PAQR5: variants seen among roughly 807,000 people sequenced by gnomAD.
PAQR5 encodes the protein progestin and adipoQ receptor family member 5, also known as membrane progestin receptor gamma.
Under a neutral mutation model 34.5 loss-of-function variants are expected in PAQR5, and 20 were observed. That is an observed-to-expected ratio of 0.58 (90% CI 0.41 to 0.84). PAQR5 has a LOEUF of 0.84. Among genes scored for constraint, PAQR5 ranks in the 40% least tolerant of loss-of-function variants. The pLI is 0.00. For synonymous variants in PAQR5, 131 were observed against 155.6 expected, an observed-to-expected ratio of 0.84 and a Z score of 1.18; for missense variants, 378 against 412.7, an observed-to-expected ratio of 0.92 and a Z score of 0.73.
intron 3 of PAQR5, among the ~76,000 whole-genome samples, chr15:69,375,833 T>A (rs2055690898): frequency 6.6e-6 from 1 of 152,224 alleles, no homozygotes; most frequent in South Asian, 2.1e-4. Flanking sequence ...CTGATCCTAC[T>A]CTGCCTCTTC....
intron 7 of PAQR5, 99 bp downstream of exon 7, chr15:69,397,663 G>C (rs769719021): frequency 2.4e-6 from 2 of 837,916 alleles, no homozygotes; most frequent in Non-Finnish European, 4.2e-6. Flanking sequence ...AATGGGAACC[G>C]CAGAACAAAA....
At chr15:69,312,252 G>A (rs911293937) in intron 1 of PAQR5, among the ~76,000 whole-genome samples, 5 of 152,124 alleles carry the variant, frequency 3.3e-5, no homozygotes, top group Admixed American at 3.3e-4. Context: ...GGTGGAGCCT[G>A]CAGATGCTTT....
At chr15:69,300,621 CTTTCTT>C (rs1269336701) in intron 1 of PAQR5, among the ~76,000 whole-genome samples, 589 of 54,256 alleles carry the variant, frequency 0.011, 84 homozygotes, top group Middle Eastern at 0.057. Context: ...TTCTTTCTTT[CTTTCTT>C]TCTTTCTTTC....
intron 2 of PAQR5, among the ~76,000 whole-genome samples, chr15:69,350,859 C>T (rs774028466): frequency 1.5e-4 from 23 of 152,168 alleles, no homozygotes; most frequent in Admixed American, 3.3e-4. Flanking sequence ...TCCCAGGCTT[C>T]GCCAAAGGGA....
At chr15:69,350,612 C>T (rs1567014312) in intron 2 of PAQR5, among the ~76,000 whole-genome samples, 1 of 152,018 alleles carries the variant, frequency 6.6e-6, no homozygotes, top group Non-Finnish European at 1.5e-5. Context: ...CACTGCACTC[C>T]AGCCTGGGCA....
chr15:69,341,827 C>T (rs1483953311), intron 2 of PAQR5, among the ~76,000 whole-genome samples: 2 of 151,150 alleles, frequency 1.3e-5, no homozygotes, highest in African/African-American at 4.9e-5. Context: ...GTCTGTGGTC[C>T]CAGATACTTA....
chr15:69,402,222 CCTCT>C (rs1402102566), intron 8 of PAQR5, among the ~76,000 whole-genome samples: 3 of 152,204 alleles, frequency 2.0e-5, no homozygotes, highest in Non-Finnish European at 4.4e-5. Flanking sequence ...TCTCCGGAGG[CCTCT>C]CTCTTTGGCT....
At chr15:69,358,771 A>C (rs961544023) in intron 2 of PAQR5, among the ~76,000 whole-genome samples, 9 of 151,036 alleles carry the variant, frequency 6.0e-5, no homozygotes, top group Admixed American at 2.0e-4. Flanking sequence ...ATAACACCAT[A>C]CCCAGCTAAT....
chr15:69,320,668 C>T (rs2054074218), intron 1 of PAQR5, among the ~76,000 whole-genome samples: 1 of 152,112 alleles, frequency 6.6e-6, no homozygotes, highest in Admixed American at 6.6e-5. Context: ...GAAAAATACA[C>T]ATTCTCATTC....
chr15:69,394,195 C>G (rs1324569993), intron 6 of PAQR5, among the ~76,000 whole-genome samples: 1 of 121,850 alleles, frequency 8.2e-6, no homozygotes, highest in East Asian at 2.4e-4. Flanking sequence ...TAATTTTCAC[C>G]CATGAGCTCT....
chr15:69,334,710 G>A (rs978144006), intron 1 of PAQR5, among the ~76,000 whole-genome samples: 3 of 152,190 alleles, frequency 2.0e-5, no homozygotes, highest in African/African-American at 7.2e-5. Flanking sequence ...TACATACTAG[G>A]TGTGTAGGGA....
intron 5 of PAQR5, among the ~76,000 whole-genome samples, chr15:69,387,392 G>T (rs546738885): frequency 1.3e-5 from 2 of 152,212 alleles, no homozygotes; most frequent in Non-Finnish European, 2.9e-5. Flanking sequence ...AACTGTTAGA[G>T]GTTCCTGTGC....
At chr15:69,329,484 T>C (rs994131957) in intron 1 of PAQR5, among the ~76,000 whole-genome samples, 5 of 139,974 alleles carry the variant, frequency 3.6e-5, no homozygotes, top group African/African-American at 1.4e-4. Context: ...TTTTTTTTTT[T>C]TTTTGGAGAG....
intron 2 of PAQR5, among the ~76,000 whole-genome samples, chr15:69,353,828 C>T (rs116980367): frequency 0.025 from 3,874 of 152,212 alleles, 71 homozygotes; most frequent in Non-Finnish European, 0.034. Flanking sequence ...GGGGAGAATG[C>T]TTCCACCAGG....
intron 2 of PAQR5, among the ~76,000 whole-genome samples, chr15:69,338,423 AGTAGG>A (rs2054561558): frequency 6.6e-6 from 1 of 152,204 alleles, no homozygotes; most frequent in African/African-American, 2.4e-5. Flanking sequence ...TGTACCTTAT[AGTAGG>A]CTGTTCACTT....
intron 3 of PAQR5, among the ~76,000 whole-genome samples, chr15:69,362,808 C>G (rs928687610): frequency 6.6e-6 from 1 of 152,152 alleles, no homozygotes; most frequent in East Asian, 1.9e-4. Context: ...GAGGCCCTGT[C>G]CATAGACTCG....
chr15:69,310,964 G>A (rs548960229), intron 1 of PAQR5, among the ~76,000 whole-genome samples: 15 of 147,926 alleles, frequency 1.0e-4, no homozygotes, highest in Middle Eastern at 7.0e-3. Context: ...GTGTGAACCC[G>A]GGAGGCGGAG....
At chr15:69,319,563 G>A (rs1260179292) in intron 1 of PAQR5, among the ~76,000 whole-genome samples, 3 of 151,978 alleles carry the variant, frequency 2.0e-5, no homozygotes, top group African/African-American at 7.3e-5. Flanking sequence ...GGCCCACCTT[G>A]GCGGCTCTGG....
At chr15:69,363,207 A>T (rs10518814) in intron 3 of PAQR5, among the ~76,000 whole-genome samples, 4,369 of 152,298 alleles carry the variant, frequency 0.029, 126 homozygotes, top group East Asian at 0.11. Flanking sequence ...TCAGAGTTGT[A>T]ATCCTGGTCC....
Sources: allele counts gnomAD v4.1 joint callset (sites outside exome capture counted in the v4.1 genomes callset), GRCh38; gene constraint gnomAD v4.1.1; transcripts MANE v1.5; gene names NCBI Gene and HGNC (gene_info 2026-07-23, HGNC 2026-07-21).